The following ASCC1 variants were observed in gnomAD, a reference collection of about 807,000 sequenced individuals.
ASCC1 encodes the protein ASC-1 complex subunit P50.
In ASCC1, 35 loss-of-function variants were observed where a neutral mutation model predicts 46.6. That is an observed-to-expected ratio of 0.75 (90% CI 0.57 to 0.99). ASCC1 has a LOEUF of 0.99. ASCC1 is among the 50% of genes least tolerant of loss of function. The probability of loss-of-function intolerance (pLI) is 0.00; values close to 1 mark genes in which losing one functional copy is unlikely to be tolerated. For synonymous variants in ASCC1, 143 were observed against 146.6 expected (o/e 0.98, Z 0.18); for missense variants, 376 against 428.7 (o/e 0.88, Z 1.09).
intron 5 of ASCC1, among the ~76,000 whole-genome samples, chr10:72,196,279 CTTTT>C (rs573100323): frequency 1.5e-5 from 2 of 136,366 alleles, no homozygotes; most frequent in Admixed American, 7.4e-5. Context: ...TGTCTTAAAT[CTTTT>C]TTTTTTTTTT....
At chr10:72,126,278 T>C (rs548294085) in intron 9 of ASCC1, among the ~76,000 whole-genome samples, 1 of 152,312 alleles carries the variant, frequency 6.6e-6, no homozygotes, top group South Asian at 2.1e-4. Flanking sequence ...AAGTGGGGAA[T>C]TGGACTAAAT....
chr10:72,190,281 G>A (rs1854221654), intron 5 of ASCC1: 3 of 799,646 alleles, frequency 3.8e-6, no homozygotes, highest in African/African-American at 3.4e-5. Context: ...GGAGTTCTGA[G>A]AGTCCTGAAT....
intron 6 of ASCC1, among the ~76,000 whole-genome samples, chr10:72,159,956 G>C (rs1325989218): frequency 1.3e-5 from 2 of 148,582 alleles, no homozygotes; most frequent in African/African-American, 5.0e-5. Context: ...CCAGGCTGGA[G>C]TGCAGTGGCG....
chr10:72,206,635 T>C (rs917518390), intron 3 of ASCC1, among the ~76,000 whole-genome samples: 10 of 152,090 alleles, frequency 6.6e-5, no homozygotes, highest in African/African-American at 2.4e-4. Context: ...AATCACCCTA[T>C]GATCTAAAAG....
intron 5 of ASCC1, among the ~76,000 whole-genome samples, chr10:72,166,133 T>C (rs1321398916): frequency 6.6e-6 from 1 of 152,142 alleles, no homozygotes; most frequent in Non-Finnish European, 1.5e-5. Context: ...CAATATTATA[T>C]ACATAGCCTT....
At chr10:72,189,733 C>T (rs1464366483) in intron 5 of ASCC1, among the ~76,000 whole-genome samples, 1 of 136,990 alleles carries the variant, frequency 7.3e-6, no homozygotes, top group South Asian at 2.3e-4. Flanking sequence ...ATCTGGGAGG[C>T]GGAGGTTGCA....
intron 6 of ASCC1, among the ~76,000 whole-genome samples, chr10:72,154,045 C>T (rs779578375): frequency 6.6e-6 from 1 of 152,144 alleles, no homozygotes; most frequent in Non-Finnish European, 1.5e-5. Flanking sequence ...TACAAGCAAT[C>T]TGTCAATATT....
At chr10:72,190,377 A>G in intron 5 of ASCC1, 1 of 1,554,638 alleles carries the variant, frequency 6.4e-7, no homozygotes, top group East Asian at 2.2e-5. Context: ...GATCCAGTCC[A>G]TAAAGCTATC....
At chr10:72,213,470 G>C (rs1308489791) in intron 1 of ASCC1, 139 bp from the exon 2 acceptor site, 2 of 622,054 alleles carry the variant, frequency 3.2e-6, no homozygotes, top group South Asian at 1.6e-5. Flanking sequence ...TTTCCCATTG[G>C]ATTTCCCATC....
At position 72,207,389 on chromosome 10, in the gene ASCC1, G is replaced by A. The variant is rs542119126; in HGVS notation, c.212+3343C>T. On this transcript the variant is annotated intron_variant, in intron 3 of 9. Transcript: ENST00000672957. ...AGATCGTGCCACTGCACTCCAGCCC[G>A]AGTAACAGAGTGAGAATCCGTCTCA... Among the ~76,000 whole-genome samples, 166 of 152,288 alleles carry A rather than the reference G, an allele frequency of 1.1e-3. 1 individual carries two copies. Among genetic ancestry groups the A allele is most frequent in the African/African-American group, 3.9e-3 (163 of 41,562 alleles).
intron 7 of ASCC1, among the ~76,000 whole-genome samples, chr10:72,136,724 C>T (rs113555164): frequency 4.6e-5 from 7 of 152,300 alleles, no homozygotes; most frequent in African/African-American, 1.2e-4. Flanking sequence ...TCTTTGGGTC[C>T]GCACTACCTT....
chr10:72,122,533 A>C (rs1269691556), intron 9 of ASCC1, among the ~76,000 whole-genome samples: 1 of 151,824 alleles, frequency 6.6e-6, no homozygotes, highest in African/African-American at 2.4e-5. Flanking sequence ...TATAATCCCA[A>C]CATTTTGTGA....
chr10:72,130,483 T>C (rs1226433707), intron 8 of ASCC1, among the ~76,000 whole-genome samples: 2 of 152,170 alleles, frequency 1.3e-5, no homozygotes, highest in African/African-American at 4.8e-5. Flanking sequence ...AAAGCTCTAG[T>C]ACTAACTGAA....
intron 5 of ASCC1, among the ~76,000 whole-genome samples, chr10:72,167,101 T>C (rs1245083311): frequency 1.3e-5 from 2 of 152,194 alleles, no homozygotes; most frequent in African/African-American, 4.8e-5. Context: ...ATTTCACTCC[T>C]AGGATTCTAC....
intron 9 of ASCC1, among the ~76,000 whole-genome samples, chr10:72,112,816 C>A (rs11818980): frequency 6.8e-6 from 1 of 146,292 alleles, no homozygotes; most frequent in Non-Finnish European, 1.5e-5. Context: ...GTGGTGGAGG[C>A]TGCAGTGAGC....
At chr10:72,182,006 G>A (rs1852698345) in intron 5 of ASCC1, among the ~76,000 whole-genome samples, 1 of 151,978 alleles carries the variant, frequency 6.6e-6, no homozygotes, top group South Asian at 2.1e-4. Flanking sequence ...TGATACACAT[G>A]TAATCAGGGT....
intron 5 of ASCC1, among the ~76,000 whole-genome samples, chr10:72,185,454 A>G (rs1212509853): frequency 6.6e-6 from 1 of 152,238 alleles, no homozygotes; most frequent in Admixed American, 6.5e-5. Context: ...ACATTCATGC[A>G]AAGAAATACC....
intron 9 of ASCC1, among the ~76,000 whole-genome samples, chr10:72,114,407 C>T (rs1372542771): frequency 1.3e-5 from 2 of 152,010 alleles, no homozygotes; most frequent in Non-Finnish European, 2.9e-5. Flanking sequence ...AGGCGGATCA[C>T]GAGGTCAGGA....
intron 9 of ASCC1, chr10:72,102,340 G>T: frequency 6.5e-7 from 1 of 1,548,964 alleles, no homozygotes; most frequent in Non-Finnish European, 8.7e-7. Flanking sequence ...TTACCCACTA[G>T]CTCTCTGTGT....
Sources: gnomAD v4.1 joint callset for allele counts (sites outside exome capture counted in the v4.1 genomes callset) on GRCh38, gnomAD v4.1.1 for gene constraint, MANE v1.5 for transcripts, NCBI Gene and HGNC (gene_info 2026-07-23, HGNC 2026-07-21) for gene names.